FRMD3: variants seen among roughly 807,000 people sequenced by gnomAD.
FRMD3 encodes the protein FERM domain containing 3.
Under a neutral mutation model 70.2 loss-of-function variants are expected in FRMD3, and 33 were observed. The ratio of observed to expected loss-of-function variants is 0.47; its 90% CI spans 0.36 to 0.63. FRMD3 has a LOEUF of 0.63. Among genes scored for constraint, FRMD3 ranks in the 20% least tolerant of loss-of-function variants. FRMD3 has a pLI of 0.00. For synonymous variants in FRMD3, 279 were observed against 255.9 expected (o/e 1.09, Z -0.86); for missense variants, 632 against 711.4 (o/e 0.89, Z 1.27).
chr9:83,446,688 A>G (rs530367705), intron 1 of FRMD3, among the ~76,000 whole-genome samples: 1 of 150,944 alleles, frequency 6.6e-6, no homozygotes, highest in African/African-American at 2.4e-5. Context: ...GTCTGCTGCG[A>G]CGTCCACACG....
At chr9:83,427,729 G>GA (rs34625122) in intron 1 of FRMD3, among the ~76,000 whole-genome samples, 68,414 of 150,316 alleles carry the variant, frequency 0.46, 16,087 homozygotes, top group African/African-American at 0.6. Flanking sequence ...GATGAATCTA[G>GA]AAAAAAAAAT....
chr9:83,522,551 A>T (rs1027853304), intron 1 of FRMD3, among the ~76,000 whole-genome samples: 3 of 143,114 alleles, frequency 2.1e-5, no homozygotes, highest in East Asian at 2.0e-4. Context: ...CACAAATTTT[A>T]TATATATATA....
chr9:83,345,275 T>C (rs1010294270), intron 4 of FRMD3, among the ~76,000 whole-genome samples: 45 of 136,580 alleles, frequency 3.3e-4, no homozygotes, highest in African/African-American at 1.1e-3. Context: ...CCCTAATAAG[T>C]TTCTAATTTG....
At chr9:83,319,344 C>T (rs1438284324) in intron 6 of FRMD3, among the ~76,000 whole-genome samples, 1 of 152,086 alleles carries the variant, frequency 6.6e-6, no homozygotes, top group Non-Finnish European at 1.5e-5. Context: ...TTTAATCCAT[C>T]TTGAGTTAAT....
chr9:83,380,242 T>A (rs1825313307), intron 2 of FRMD3, among the ~76,000 whole-genome samples: 1 of 152,202 alleles, frequency 6.6e-6, no homozygotes. Context: ...TCAAGACTTT[T>A]CTTAGAACAA....
intron 1 of FRMD3, among the ~76,000 whole-genome samples, chr9:83,406,540 T>A (rs569895194): frequency 6.6e-6 from 1 of 152,272 alleles, no homozygotes; most frequent in Non-Finnish European, 1.5e-5. Context: ...TTTAAAGAGC[T>A]CAGGAAAGGA....
chr9:83,548,894 A>T, the FRMD3 span, among the ~76,000 whole-genome samples: 3 of 152,182 alleles, frequency 2.0e-5, no homozygotes, highest in Non-Finnish European at 4.4e-5. Context: ...TCTAAAAAAT[A>T]GTCTATTGTC....
At chr9:83,467,305 T>G (rs539779944) in intron 1 of FRMD3, among the ~76,000 whole-genome samples, 1 of 152,300 alleles carries the variant, frequency 6.6e-6, no homozygotes, top group East Asian at 1.9e-4. Context: ...CTGTTGTCTG[T>G]GCTTTGGTCA....
chr9:83,488,974 GT>G, intron 1 of FRMD3, among the ~76,000 whole-genome samples: 1 of 80,870 alleles, frequency 1.2e-5, no homozygotes, highest in African/African-American at 4.6e-5. Context: ...CTATACCTTT[GT>G]GTGTGTGTGT....
At chr9:83,561,247 T>C in the FRMD3 span, among the ~76,000 whole-genome samples, 1 of 152,228 alleles carries the variant, frequency 6.6e-6, no homozygotes, top group Non-Finnish European at 1.5e-5. Flanking sequence ...GCCTTTCCTG[T>C]CAAATTCAGC....
At chr9:83,578,315 C>T in the FRMD3 span, among the ~76,000 whole-genome samples, 40 of 151,842 alleles carry the variant, frequency 2.6e-4, no homozygotes, top group African/African-American at 8.2e-4. Context: ...GGGAACACTT[C>T]GAAATTCATT....
chr9:83,264,038 A>G (rs190950501), intron 13 of FRMD3, among the ~76,000 whole-genome samples: 1,691 of 152,328 alleles, frequency 0.011, 13 homozygotes, highest in Non-Finnish European at 0.015. Flanking sequence ...AGAAAATCCA[A>G]CACACTTTCA....
At chr9:83,329,630 T>A (rs115761046) in intron 6 of FRMD3, among the ~76,000 whole-genome samples, 34 of 152,270 alleles carry the variant, frequency 2.2e-4, no homozygotes, top group African/African-American at 7.7e-4. Context: ...ATAGAGATAA[T>A]TACTCTGTTT....
intron 13 of FRMD3, chr9:83,267,322 G>A (rs1030632970): frequency 1.5e-5 from 21 of 1,422,410 alleles, no homozygotes; most frequent in Non-Finnish European, 1.8e-5. Context: ...GGAGGGAGGG[G>A]ACGCTATTTT....
chr9:83,345,574 G>A (rs1045633503), intron 4 of FRMD3, among the ~76,000 whole-genome samples: 2 of 151,958 alleles, frequency 1.3e-5, no homozygotes, highest in African/African-American at 2.4e-5. Flanking sequence ...TGGCTAACAT[G>A]GTGAAACCTC....
chr9:83,576,219 G>A, the FRMD3 span, among the ~76,000 whole-genome samples: 3 of 152,012 alleles, frequency 2.0e-5, no homozygotes, highest in Non-Finnish European at 2.9e-5. Context: ...TTAATCCCAG[G>A]AGGGCAAGAT....
At chr9:83,336,736 T>G (rs1314502216) in intron 5 of FRMD3, among the ~76,000 whole-genome samples, 1 of 145,116 alleles carries the variant, frequency 6.9e-6, no homozygotes, top group Admixed American at 7.0e-5. Context: ...CCTTAAAAAC[T>G]GAGTTCCCAG....
intron 1 of FRMD3, among the ~76,000 whole-genome samples, chr9:83,394,978 G>C (rs916901659): frequency 1.3e-5 from 2 of 152,066 alleles, no homozygotes; most frequent in African/African-American, 4.8e-5. Context: ...ATATTCTAAG[G>C]CTCATTCATG....
chr9:83,423,585 CTTTTTTT>C (rs869226126), intron 1 of FRMD3, among the ~76,000 whole-genome samples: 18 of 60,480 alleles, frequency 3.0e-4, no homozygotes, highest in African/African-American at 9.6e-4. Context: ...AGCCCTGTTT[CTTTTTTT>C]TTTTTTTTTT....
Sources: allele counts gnomAD v4.1 joint callset (sites outside exome capture counted in the v4.1 genomes callset), GRCh38; gene constraint gnomAD v4.1.1; transcripts MANE v1.5; gene names NCBI Gene and HGNC (gene_info 2026-07-23, HGNC 2026-07-21).